SOX5: variants seen among roughly 807,000 people sequenced by gnomAD.
SOX5 encodes transcription factor SOX-5.
Under a neutral mutation model 92.0 loss-of-function variants are expected in SOX5, and 9 were observed. That is an observed-to-expected ratio of 0.10 (90% CI 0.06 to 0.17). SOX5 has a LOEUF of 0.17. Ranked by LOEUF, SOX5 falls within the 10% of genes least tolerant of loss-of-function variation. The pLI, the probability that SOX5 is intolerant of heterozygous loss-of-function variation, is 1.00. For missense variants in SOX5, 642 were observed against 944.5 expected (o/e 0.68, Z 4.20); for synonymous variants, 344 against 336.3 (o/e 1.02, Z -0.25).
intron 10 of SOX5, among the ~76,000 whole-genome samples, chr12:23,565,329 C>G (rs1012209929): frequency 6.6e-6 from 1 of 152,120 alleles, no homozygotes; most frequent in Non-Finnish European, 1.5e-5. Flanking sequence ...TCTTACATGA[C>G]CGTGATGGTC....
intron 1 of SOX5, among the ~76,000 whole-genome samples, chr12:24,442,948 A>ATTTTTTTTT (rs3983413): frequency 3.6e-5 from 4 of 109,944 alleles, no homozygotes; most frequent in Non-Finnish European, 7.1e-5. Context: ...TAAGTTTATA[A>ATTTTTTTTT]TTTTTTTTTT....
At chr12:23,540,859 C>CG (rs1173638701) in intron 13 of SOX5, among the ~76,000 whole-genome samples, 1 of 152,168 alleles carries the variant, frequency 6.6e-6, no homozygotes, top group Non-Finnish European at 1.5e-5. Flanking sequence ...GGCATGCTGT[C>CG]GGAGGCTGTT....
intron 9 of SOX5, among the ~76,000 whole-genome samples, chr12:23,580,643 T>C (rs187580453): frequency 6.6e-6 from 1 of 152,160 alleles, no homozygotes; most frequent in Non-Finnish European, 1.5e-5. Context: ...TCTAATCAAT[T>C]ACTGGGCTAA....
chr12:23,537,544 A>C (rs1365935407), intron 13 of SOX5, among the ~76,000 whole-genome samples: 1 of 152,182 alleles, frequency 6.6e-6, no homozygotes, highest in Non-Finnish European at 1.5e-5. Flanking sequence ...TCTCTTAATA[A>C]ATCAATTTCA....
At chr12:23,885,778 C>T (rs2097057503) in intron 2 of SOX5, among the ~76,000 whole-genome samples, 1 of 151,818 alleles carries the variant, frequency 6.6e-6, no homozygotes, top group Non-Finnish European at 1.5e-5. Context: ...GTTAGGTTTA[C>T]ATTTATTTCC....
intron 8 of SOX5, among the ~76,000 whole-genome samples, chr12:23,614,198 A>C (rs1466707322): frequency 6.6e-6 from 1 of 152,220 alleles, no homozygotes; most frequent in Non-Finnish European, 1.5e-5. Flanking sequence ...GTTAAAATGC[A>C]AGAATATTCC....
intron 8 of SOX5, among the ~76,000 whole-genome samples, chr12:23,622,901 AAAAC>A (rs2138148480): frequency 6.6e-6 from 1 of 152,274 alleles, no homozygotes; most frequent in East Asian, 1.9e-4. Flanking sequence ...TTAAAAATAA[AAAAC>A]AAACTTTTGC....
At chr12:23,570,970 TATATATATATATA>T (rs1565916427) in intron 10 of SOX5, among the ~76,000 whole-genome samples, 17 of 108,980 alleles carry the variant, frequency 1.6e-4, no homozygotes, top group Non-Finnish European at 2.3e-4. Context: ...TATATATATA[TATATATATATATA>T]TTTTCATATT....
At chr12:23,816,597 A>G (rs951532329) in intron 3 of SOX5, among the ~76,000 whole-genome samples, 1 of 152,182 alleles carries the variant, frequency 6.6e-6, no homozygotes, top group Non-Finnish European at 1.5e-5. Flanking sequence ...ATGAATGGCC[A>G]TCATTCAAAT....
At chr12:24,353,279 C>T (rs1034065024) in intron 2 of SOX5, among the ~76,000 whole-genome samples, 5 of 152,310 alleles carry the variant, frequency 3.3e-5, no homozygotes, top group African/African-American at 1.2e-4. Context: ...TATGGAGCAA[C>T]CCTTTACTCG....
intron 3 of SOX5, among the ~76,000 whole-genome samples, chr12:23,784,756 T>C (rs1318649114): frequency 6.6e-6 from 1 of 152,184 alleles, no homozygotes; most frequent in Non-Finnish European, 1.5e-5. Context: ...TGAAGAAGCA[T>C]TGCAACTCTT....
At chr12:23,835,819 C>T (rs12298695) in intron 3 of SOX5, among the ~76,000 whole-genome samples, 12,387 of 151,636 alleles carry the variant, frequency 0.082, 684 homozygotes, top group African/African-American at 0.13. Flanking sequence ...CTAAGGTTGA[C>T]TTTAGGCTGA....
intron 4 of SOX5, among the ~76,000 whole-genome samples, chr12:24,056,055 C>A (rs1033257909): frequency 6.6e-6 from 1 of 152,154 alleles, no homozygotes. Flanking sequence ...TTTTAAACAT[C>A]GTTGTGCCAT....
intron 4 of SOX5, among the ~76,000 whole-genome samples, chr12:23,995,380 CCTTT>C (rs1950937187): frequency 6.6e-6 from 1 of 152,064 alleles, no homozygotes; most frequent in South Asian, 2.1e-4. Context: ...ATTAATATCT[CCTTT>C]CTAACATGAA....
chr12:23,810,914 T>C (rs544431411), intron 3 of SOX5, among the ~76,000 whole-genome samples: 10 of 152,248 alleles, frequency 6.6e-5, no homozygotes, highest in South Asian at 6.2e-4. Context: ...TGCTTTTTTT[T>C]CCCCTCTCTT....
At chr12:23,919,557 A>G (rs2097458560) in intron 1 of SOX5, among the ~76,000 whole-genome samples, 1 of 152,204 alleles carries the variant, frequency 6.6e-6, no homozygotes, top group Admixed American at 6.5e-5. Flanking sequence ...ATATCTGGCT[A>G]TCTACTTATT....
intron 2 of SOX5, among the ~76,000 whole-genome samples, chr12:24,331,939 T>C (rs1951381770): frequency 7.8e-6 from 1 of 127,716 alleles, no homozygotes; most frequent in African/African-American, 3.3e-5. Flanking sequence ...GTAAAAGGTG[T>C]GAATGTTTTA....
intron 2 of SOX5, among the ~76,000 whole-genome samples, chr12:23,874,904 G>T (rs1366024684): frequency 6.6e-6 from 1 of 152,118 alleles, no homozygotes; most frequent in Non-Finnish European, 1.5e-5. Context: ...AGAAGAAGGG[G>T]GAAAGGCAAT....
At chr12:24,117,944 G>C (rs1948200326) in intron 4 of SOX5, among the ~76,000 whole-genome samples, 1 of 150,828 alleles carries the variant, frequency 6.6e-6, no homozygotes, top group Non-Finnish European at 1.5e-5. Context: ...GCTTGAACCT[G>C]GGAGGCAGAG....
Sources: allele counts gnomAD v4.1 joint callset (sites outside exome capture counted in the v4.1 genomes callset), GRCh38; gene constraint gnomAD v4.1.1; transcripts MANE v1.5; gene names NCBI Gene and HGNC (gene_info 2026-07-23, HGNC 2026-07-21).